The following LINGO1 variants were observed in gnomAD, a reference collection of about 807,000 sequenced individuals.
The protein encoded by LINGO1 is leucine rich repeat and Ig domain containing 1.
LINGO1 carries 11 observed loss-of-function variants against 37.3 expected under a neutral mutation model. That is an observed-to-expected ratio of 0.29 (90% CI 0.19 to 0.49). The LOEUF is 0.49. LINGO1 is among the 20% of genes least tolerant of loss of function. The pLI is 0.99. For missense variants in LINGO1, 585 were observed against 878.2 expected (o/e 0.67, Z 4.22); for synonymous variants, 387 against 403.0 (o/e 0.96, Z 0.48).
chr15:77,811,171 G>A lies in LINGO1; in HGVS notation c.-458+9087C>T, dbSNP rs1203508037. Reference sequence around the variant, plus strand: ...CGGTTGCTCCCACAGGGTGGCCGGTGGGGGCAGCCCAGCTGCTTCTGCCAA... The same window carrying A: ...CGGTTGCTCCCACAGGGTGGCCGGTAGGGGCAGCCCAGCTGCTTCTGCCAA... On this transcript the variant is annotated intron_variant, in intron 1 of 5. Coordinates refer to the LINGO1 transcript ENST00000562933. Among the ~76,000 whole-genome samples the A allele has an allele frequency of 3.3e-5, 5 of 151,980 alleles. No individual in the cohort carries two copies. The South Asian group carries it at 6.2e-4, about 19-fold the overall frequency.
chr15:77,757,464 C>T (rs2076431801), intron 1 of LINGO1, among the ~76,000 whole-genome samples: 1 of 152,220 alleles, frequency 6.6e-6, no homozygotes, highest in Non-Finnish European at 1.5e-5. Flanking sequence ...CACAGGCTCA[C>T]AGGGATTCCT....
At chr15:77,782,059 G>A (rs1300774921) in intron 1 of LINGO1, among the ~76,000 whole-genome samples, 1 of 152,262 alleles carries the variant, frequency 6.6e-6, no homozygotes, top group Non-Finnish European at 1.5e-5. Context: ...AAAACGAGGA[G>A]CAGGTTCAGC....
At chr15:77,704,862 C>T (rs1000621576) in intron 2 of LINGO1, among the ~76,000 whole-genome samples, 23 of 152,136 alleles carry the variant, frequency 1.5e-4, no homozygotes, top group African/African-American at 5.3e-4. Flanking sequence ...CTGGTCCCAC[C>T]CTGAACCCTG....
intron 1 of LINGO1, among the ~76,000 whole-genome samples, chr15:77,619,753 A>G (rs2073861968): frequency 6.6e-6 from 1 of 150,882 alleles, no homozygotes; most frequent in Non-Finnish European, 1.5e-5. Flanking sequence ...AAAAAGAAAT[A>G]CATTGGTAGA....
At chr15:77,742,993 G>A (rs4072803) in intron 1 of LINGO1, among the ~76,000 whole-genome samples, 59,037 of 152,140 alleles carry the variant, frequency 0.39, 12,133 homozygotes, top group Admixed American at 0.53. Flanking sequence ...CCACGGTGGT[G>A]CACGGGTGCA....
chr15:77,817,520 GGGCTTCCAAACCA>G (rs1567599940), intron 1 of LINGO1, among the ~76,000 whole-genome samples: 1 of 152,172 alleles, frequency 6.6e-6, no homozygotes, highest in Non-Finnish European at 1.5e-5. Context: ...GACAGGAGCC[GGGCTTCCAAACCA>G]TCAAGCAAAG....
At chr15:77,671,757 C>T (rs1417478714) in intron 3 of LINGO1, among the ~76,000 whole-genome samples, 1 of 152,218 alleles carries the variant, frequency 6.6e-6, no homozygotes, top group Non-Finnish European at 1.5e-5. Flanking sequence ...AGGGTCAGAC[C>T]CTTCTGACTG....
At chr15:77,794,338 ACATACATATATACGTATATATGTG>A (rs1303759962) in intron 2 of LINGO1, among the ~76,000 whole-genome samples, 3 of 118,802 alleles carry the variant, frequency 2.5e-5, no homozygotes, top group Admixed American at 9.6e-5. Context: ...ATATGTATAT[ACATACATATATACGTATATATGTG>A]TATATACATA....
intron 1 of LINGO1, among the ~76,000 whole-genome samples, chr15:77,751,047 G>C (rs1203700337): frequency 6.6e-6 from 1 of 152,154 alleles, no homozygotes; most frequent in East Asian, 1.9e-4. Context: ...ACCTGCTTGA[G>C]GGCCTGAGTA....
chr15:77,631,561 C>T (rs2074254509), intron 1 of LINGO1, among the ~76,000 whole-genome samples: 1 of 152,212 alleles, frequency 6.6e-6, no homozygotes, highest in South Asian at 2.1e-4. Flanking sequence ...GCCCACAGCC[C>T]ACCCCGAAAA....
intron 1 of LINGO1, among the ~76,000 whole-genome samples, chr15:77,779,133 C>T (rs560323541): frequency 1.3e-5 from 2 of 152,134 alleles, no homozygotes; most frequent in East Asian, 3.9e-4. Flanking sequence ...ACCTAAAAGT[C>T]TCCTTCTCAG....
At position 77,800,493 on chromosome 15, in the gene LINGO1, T is replaced by C. The variant is rs190268961; in HGVS notation, c.-457-4440A>G. Among the ~76,000 whole-genome samples, 6 of 152,210 alleles carry C rather than the reference T, an allele frequency of 3.9e-5. No homozygotes were observed. In the East Asian group the frequency reaches 7.7e-4, roughly 20 times the overall value. On this transcript the variant is annotated intron_variant, in intron 1 of 5. Transcript: ENST00000562933. ...TGGAGCCGAAGATGGAGATGGAGCA[T>C]GGACGGATGGGGCCACCCCTCCCCT...
chr15:77,707,223 G>A (rs2075863682), intron 2 of LINGO1, among the ~76,000 whole-genome samples: 1 of 152,218 alleles, frequency 6.6e-6, no homozygotes. Flanking sequence ...TGGTGGGGAG[G>A]AGGAGGAGAA....
At chr15:77,811,855 A>G (rs1167458911) in intron 1 of LINGO1, among the ~76,000 whole-genome samples, 1 of 152,220 alleles carries the variant, frequency 6.6e-6, no homozygotes, top group African/African-American at 2.4e-5. Context: ...GAAAATGTCA[A>G]CAATTGTTAA....
rs529691100 is a variant in LINGO1 at position 77,663,827 on chromosome 15, G to C, written c.-13+13262C>G. Among the ~76,000 whole-genome samples, 109 of 152,242 alleles carry C rather than the reference G, an allele frequency of 7.2e-4. 1 individual carries two copies. Among genetic ancestry groups the C allele is most frequent in the Non-Finnish European group, 1.3e-3 (88 of 68,050 alleles). On this transcript the variant is annotated intron_variant, in intron 3 of 3. Coordinates refer to the LINGO1 transcript ENST00000559893. ...GCCTCTGTCACCCTCCATGCAATCA[G>C]CTGAGTGTGGCATAAATGACCCATG...
chr15:77,807,920 A>G (rs1173666469), intron 1 of LINGO1, among the ~76,000 whole-genome samples: 1 of 152,082 alleles, frequency 6.6e-6, no homozygotes, highest in African/African-American at 2.4e-5. Context: ...CAAAATATTT[A>G]CAGTCTCTGA....
At position 77,614,854 on chromosome 15, in the gene LINGO1, C is replaced by T. The variant is rs778795680; in HGVS notation, c.1053G>A (p.Glu351=). ...NVSGNQLTTL[E]ESVFHSVGNL... is the part of the protein sequence containing the mutation. ...TGCCCACCGAGTGGAAGACTGATTC[C>T]TCCAGTGTGGTCAGCTGGTTGCCAG... is the stretch of plus-strand genomic sequence containing the variant. Residue 351 remains glutamate (E), a synonymous_variant, in exon 2 of 2, where the codon GAG becomes GAA. Coordinates refer to ENST00000355300, the MANE Select transcript of LINGO1 (RefSeq NM_032808.7). The T allele has an allele frequency of 1.1e-5, 17 of 1,613,686 alleles. No individual in the cohort carries two copies. The highest frequency in any genetic ancestry group is 1.3e-5 in the African/African-American group (1 of 74,938).
At chr15:77,717,099 C>G (rs574129384) in intron 2 of LINGO1, among the ~76,000 whole-genome samples, 2 of 150,456 alleles carry the variant, frequency 1.3e-5, no homozygotes, top group South Asian at 4.3e-4. Flanking sequence ...GCACTCTGCT[C>G]CCCAGCGCCC....
intron 3 of LINGO1, among the ~76,000 whole-genome samples, chr15:77,654,466 AC>A (rs1281929012): frequency 6.6e-6 from 1 of 152,090 alleles, no homozygotes; most frequent in Non-Finnish European, 1.5e-5. Context: ...TCCTGGGGCT[AC>A]CTCAGGCTGG....
Sources: gnomAD v4.1 joint callset for allele counts (sites outside exome capture counted in the v4.1 genomes callset) on GRCh38, gnomAD v4.1.1 for gene constraint, MANE v1.5 for transcripts, NCBI Gene and HGNC (gene_info 2026-07-23, HGNC 2026-07-21) for gene names.